Variants in ATP10A observed in about 807,000 individuals in gnomAD.
ATP10A encodes the protein phospholipid-transporting ATPase VA.
A neutral mutation model predicts 147.8 loss-of-function variants in ATP10A; 111 were observed. That is an observed-to-expected ratio of 0.75 (90% CI 0.64 to 0.88). The LOEUF (loss-of-function observed/expected upper bound fraction) is 0.88. Ranked by LOEUF, ATP10A falls within the 40% of genes least tolerant of loss-of-function variation. ATP10A has a pLI of 0.00. For missense variants in ATP10A, 1,927 were observed against 1,959.0 expected, an observed-to-expected ratio of 0.98 and a Z score of 0.31; for synonymous variants, 875 against 841.6, an observed-to-expected ratio of 1.04 and a Z score of -0.69.
At chr15:25,768,189 C>G (rs146606341) in intron 2 of ATP10A, among the ~76,000 whole-genome samples, 1 of 152,154 alleles carries the variant, frequency 6.6e-6, no homozygotes, top group Admixed American at 6.6e-5. Flanking sequence ...ACACAGCACG[C>G]GAGCAGCTGC....
At chr15:25,753,878 G>C (rs1888283747) in intron 2 of ATP10A, among the ~76,000 whole-genome samples, 1 of 151,740 alleles carries the variant, frequency 6.6e-6, no homozygotes, top group Non-Finnish European at 1.5e-5. Context: ...CTGGGCTCAA[G>C]GGATTCTCCC....
intron 2 of ATP10A, among the ~76,000 whole-genome samples, chr15:25,737,091 G>C (rs1296919788): frequency 6.6e-6 from 1 of 152,174 alleles, no homozygotes; most frequent in Non-Finnish European, 1.5e-5. Flanking sequence ...ACATTAAAAG[G>C]GGCGTGTGCT....
chr15:25,748,667 A>G (rs1465158276), intron 2 of ATP10A, among the ~76,000 whole-genome samples: 1 of 152,172 alleles, frequency 6.6e-6, no homozygotes, highest in African/African-American at 2.4e-5. Context: ...AAAAAAAAGT[A>G]TAATGACTAA....
chr15:25,685,544 A>C (rs1349502523), intron 16 of ATP10A, among the ~76,000 whole-genome samples: 3 of 152,154 alleles, frequency 2.0e-5, no homozygotes, highest in African/African-American at 7.2e-5. Flanking sequence ...TTAAGATTTA[A>C]AAGAAGACTG....
In ATP10A at chr15:25,695,026, A is replaced by C. The variant is rs200374453; in HGVS notation, c.2881T>G (p.Ser961Ala). The change falls in exon 14 of 21, where the codon TCC becomes GCC. Residue 961 changes from serine (S) to alanine (A), a missense_variant. Coordinates refer to ENST00000555815, the MANE Select transcript of ATP10A (RefSeq NM_024490.4). ...SMRFSSLCPPSTSTASGRRPS... is the reference protein window; with the variant it reads ...SMRFSSLCPPATSTASGRRPS... ...CTGCGGCCAGAGGCAGTGGACGTGG[A>C]GGGTGGGCAGAGAGAGGAGAACCTC... The C allele has an allele frequency of 3.1e-6, 5 of 1,614,032 alleles. No individual in the cohort carries two copies. Among genetic ancestry groups the C allele is most frequent in the Non-Finnish European group, 3.4e-6 (4 of 1,180,032 alleles).
chr15:25,755,907 T>C (rs1888382218), intron 2 of ATP10A, among the ~76,000 whole-genome samples: 1 of 152,230 alleles, frequency 6.6e-6, no homozygotes, highest in Non-Finnish European at 1.5e-5. Flanking sequence ...AAATCTCCAT[T>C]TGTAAGCGTG....
downstream of ATP10A, among the ~76,000 whole-genome samples, chr15:25,675,001 G>A (rs191590741): frequency 9.8e-5 from 15 of 152,338 alleles, no homozygotes; most frequent in East Asian, 2.9e-3. Context: ...TGAGGATGCT[G>A]AAAATTCCTC....
chr15:25,750,951 G>A (rs893031530), intron 2 of ATP10A, among the ~76,000 whole-genome samples: 1 of 151,768 alleles, frequency 6.6e-6, no homozygotes, highest in African/African-American at 2.4e-5. Context: ...AGAGAAGATG[G>A]GAAAACAACT....
At chr15:25,758,894 T>C (rs1888597873) in intron 2 of ATP10A, among the ~76,000 whole-genome samples, 1 of 151,522 alleles carries the variant, frequency 6.6e-6, no homozygotes, top group African/African-American at 2.4e-5. Flanking sequence ...CCCTTACTCA[T>C]TCTGATCACC....
Position 25,708,200 on chromosome 15 carries a change from C to A in ATP10A, c.2445G>T (p.Lys815Asn), listed in dbSNP as rs2140367461. 1.2e-6 allele frequency: 2 copies of A among 1,614,238 alleles called. No individual in the cohort carries two copies. Among genetic ancestry groups the A allele is most frequent in the Non-Finnish European group, 1.7e-6 (2 of 1,180,036 alleles). The change falls in exon 11 of 21, where the codon AAG becomes AAT. Residue 815 changes from lysine (K) to asparagine (N), a missense_variant. Physicochemically the swap from Lys to Asn is moderately conservative, Grantham distance 94. Transcript: ENST00000555815. ...TCGCGGAGACACCCCCACTCACTCT[C>A]TTGGCGATGCACAAGGTGCGCAGGC... The part of the protein sequence containing the change: ...AEGLRTLCIA[K>N]RVLSKEEYAC...
intron 2 of ATP10A, among the ~76,000 whole-genome samples, chr15:25,761,585 T>C (rs1426808532): frequency 6.6e-6 from 1 of 152,238 alleles, no homozygotes; most frequent in East Asian, 1.9e-4. Flanking sequence ...GCAGCCCACC[T>C]CTGGCATCAG....
chr15:25,726,833 C>T (rs946688270), intron 4 of ATP10A, among the ~76,000 whole-genome samples: 16 of 150,370 alleles, frequency 1.1e-4, no homozygotes, highest in East Asian at 4.0e-4. Flanking sequence ...GGGCGGATCA[C>T]GAGATCAGGA....
chr15:25,682,056 A>T (rs1899449380), intron 17 of ATP10A, among the ~76,000 whole-genome samples: 1 of 16,908 alleles, frequency 5.9e-5, no homozygotes, highest in Non-Finnish European at 9.9e-5. Context: ...CTTGTCTTAA[A>T]AAAAAAAAAA....
rs117840688 is a variant in ATP10A at position 25,773,117 on chromosome 15, C to T, written c.654+7902G>A. 5.1e-3 allele frequency among the ~76,000 whole-genome samples: 777 copies of T among 152,132 alleles called. 11 individuals are homozygous for T. The highest frequency in any genetic ancestry group is 8.0e-3 in the Non-Finnish European group (547 of 68,004). On this transcript the variant is annotated intron_variant, in intron 2 of 20. Coordinates refer to ENST00000555815, the MANE Select transcript of ATP10A (RefSeq NM_024490.4). ...TCGAGTTCTTGCTTTCCTTAAAGGTCGATTCCTTTATAAGGTCTGGTTTAT... is the reference window on the plus strand; with the variant it reads ...TCGAGTTCTTGCTTTCCTTAAAGGTTGATTCCTTTATAAGGTCTGGTTTAT...
intron 2 of ATP10A, among the ~76,000 whole-genome samples, chr15:25,752,054 G>A (rs576742876): frequency 1.3e-5 from 2 of 152,256 alleles, no homozygotes; most frequent in African/African-American, 4.8e-5. Context: ...ACACTCATAT[G>A]CTGTTGATGG....
At chr15:25,803,784 G>C (rs1487139616) in intron 1 of ATP10A, among the ~76,000 whole-genome samples, 1 of 152,184 alleles carries the variant, frequency 6.6e-6, no homozygotes. Context: ...TGGACAACTC[G>C]CAAACCTCCG....
Position 25,713,749 on chromosome 15 carries a change from G to A in ATP10A, c.2269C>T (p.Leu757Phe), listed in dbSNP as rs375825767. 8.7e-6 allele frequency: 14 copies of A among 1,613,998 alleles called. No individual in the cohort carries two copies. The highest frequency in any genetic ancestry group is 1.1e-5 in the Non-Finnish European group (13 of 1,180,026). ...GTGTAGACGTTGATCTCATCGGTAAGCGGGTGCCGGATCACCACTGACATC... is the reference window on the plus strand; with the variant it reads ...GTGTAGACGTTGATCTCATCGGTAAACGGGTGCCGGATCACCACTGACATC... Reference protein sequence around the residue: ...KRMSVVIRHPLTDEINVYTKG... With the variant: ...KRMSVVIRHPFTDEINVYTKG... The change falls in exon 10 of 21, where the codon CTT (leucine) becomes TTT (phenylalanine). Residue 757 changes from leucine to phenylalanine, a missense_variant. Transcript: ENST00000555815.
intron 2 of ATP10A, among the ~76,000 whole-genome samples, chr15:25,749,104 C>T (rs1456466823): frequency 2.7e-5 from 4 of 147,030 alleles, no homozygotes; most frequent in Non-Finnish European, 6.0e-5. Context: ...ATGAGTTTAG[C>T]AAAGTTTCTG....
intron 4 of ATP10A, 25 bp downstream of exon 4, chr15:25,727,135 G>A (rs1327252497): frequency 3.2e-6 from 5 of 1,553,186 alleles, no homozygotes; most frequent in Non-Finnish European, 4.4e-6. Flanking sequence ...TCTGGCGGCA[G>A]GTGGTGCCAG....
Sources: allele counts gnomAD v4.1 joint callset (sites outside exome capture counted in the v4.1 genomes callset), GRCh38; gene constraint gnomAD v4.1.1; transcripts MANE v1.5; gene names NCBI Gene and HGNC (gene_info 2026-07-23, HGNC 2026-07-21).